CHEK2: variants seen among roughly 807,000 people sequenced by gnomAD.
The protein encoded by CHEK2 is checkpoint kinase 2.
In CHEK2, 71 loss-of-function variants were observed where a neutral mutation model predicts 69.1. The ratio of observed to expected loss-of-function variants is 1.03; its 90% CI spans 0.85 to 1.25. The LOEUF (loss-of-function observed/expected upper bound fraction) is 1.25, where lower values mean the gene tolerates loss of function less well. CHEK2 is among the 50% of genes most tolerant of loss of function. The pLI, the probability that CHEK2 is intolerant of heterozygous loss-of-function variation, is 0.00. For synonymous variants in CHEK2, 189 were observed against 226.9 expected (o/e 0.83, Z 1.50); for missense variants, 664 against 649.6 (o/e 1.02, Z -0.24).
Position 28,705,652 on chromosome 22 carries a change from G to A in CHEK2, c.847-2086C>T, listed in dbSNP as rs546493620. Among the ~76,000 whole-genome samples the A allele has an allele frequency of 3.3e-3, 505 of 152,124 alleles. 1 individual carries two copies. The highest frequency in any genetic ancestry group is 0.012 in the African/African-American group (478 of 41,524). Reference sequence around the variant, plus strand: ...GCTTTAAAAAAGCAAGGGGCCGGGCGCAGTGGCACATGCCTGTAATCCCAG... The same window carrying A: ...GCTTTAAAAAAGCAAGGGGCCGGGCACAGTGGCACATGCCTGTAATCCCAG... On this transcript the variant is annotated intron_variant, in intron 7 of 14. Transcript: ENST00000404276.
chr22:28,711,986 C>G lies in CHEK2; in HGVS notation c.715G>C (p.Glu239Gln), dbSNP rs121908702. The part of the protein sequence containing the change: ...GACGEVKLAF[E>Q]RKTCKKVAIK... Reference sequence around the variant, plus strand: ...GCTACTTTCTTACATGTTTTCCTCTCGAAAGCCAGCTTTACCTCTCCACAG... The same window carrying G: ...GCTACTTTCTTACATGTTTTCCTCTGGAAAGCCAGCTTTACCTCTCCACAG... The change falls in exon 6 of 15, where the codon GAG becomes CAG. Residue 239 changes from glutamate to glutamine, a missense_variant. Physicochemically the swap from Glu to Gln is conservative, Grantham distance 29. Transcript: ENST00000404276. 6.2e-7 allele frequency: 1 copy of G among 1,613,902 alleles called. No homozygotes were observed. The highest frequency in any genetic ancestry group is 8.5e-7 in the Non-Finnish European group (1 of 1,179,922).
intron 14 of CHEK2, among the ~76,000 whole-genome samples, chr22:28,688,338 GACA>G (rs1396775924): frequency 6.6e-6 from 1 of 152,246 alleles, no homozygotes; most frequent in Non-Finnish European, 1.5e-5. Flanking sequence ...TTTGCGGGAA[GACA>G]ACCTTTGTGC....
In CHEK2 at chr22:28,705,858, G is replaced by A. The variant is rs1001434446; in HGVS notation, c.847-2292C>T. ...GGAGAATCGCTTGTACCTGGGAATC[G>A]CTTGAACCCGGGAGGCAGAGTTTGC... On this transcript the variant is annotated intron_variant, in intron 7 of 14. Transcript: ENST00000404276. 2.6e-5 allele frequency among the ~76,000 whole-genome samples: 4 copies of A among 152,116 alleles called. 1 individual carries two copies. The highest frequency in any genetic ancestry group is 2.0e-4 in the Admixed American group (3 of 15,264).
intron 4 of CHEK2, among the ~76,000 whole-genome samples, chr22:28,719,973 G>A (rs1027816217): frequency 7.9e-5 from 12 of 151,864 alleles, no homozygotes; most frequent in Admixed American, 4.6e-4. Context: ...TTATATATCC[G>A]GTATTAAGTA....
intron 7 of CHEK2, among the ~76,000 whole-genome samples, chr22:28,705,610 G>A (rs912879400): frequency 6.6e-6 from 1 of 151,936 alleles, no homozygotes; most frequent in Admixed American, 6.6e-5. Flanking sequence ...TATTATTTAG[G>A]GATACACATA....
intron 8 of CHEK2, among the ~76,000 whole-genome samples, chr22:28,702,124 T>G (rs2052882212): frequency 3.2e-5 from 4 of 125,350 alleles, no homozygotes; most frequent in African/African-American, 1.2e-4. Context: ...GCTAATTTTG[T>G]GTGTGTGTGT....
At chr22:28,693,876 A>C (rs1381281036) in intron 13 of CHEK2, among the ~76,000 whole-genome samples, 156 bp downstream of exon 13, 5 of 152,048 alleles carry the variant, frequency 3.3e-5, no homozygotes, top group African/African-American at 9.7e-5. Flanking sequence ...AAAATAAAAC[A>C]GGTTGTAACC....
intron 2 of CHEK2, among the ~76,000 whole-genome samples, chr22:28,729,770 A>G (rs2054138356): frequency 6.6e-6 from 1 of 152,142 alleles, no homozygotes; most frequent in Non-Finnish European, 1.5e-5. Context: ...TTTATTATCT[A>G]TTTATTTTTA....
intron 2 of CHEK2, among the ~76,000 whole-genome samples, chr22:28,727,105 G>A (rs1379214291): frequency 3.3e-5 from 5 of 152,002 alleles, no homozygotes; most frequent in African/African-American, 9.7e-5. Flanking sequence ...GCGGTGGCGC[G>A]ATCTCGGCTC....
At chr22:28,709,143 C>G (rs2053292443) in intron 7 of CHEK2, among the ~76,000 whole-genome samples, 1 of 152,070 alleles carries the variant, frequency 6.6e-6, no homozygotes, top group Non-Finnish European at 1.5e-5. Context: ...AGCCCACCCT[C>G]TAATTTTTCT....
At chr22:28,705,543 T>C (rs1434764014) in intron 7 of CHEK2, among the ~76,000 whole-genome samples, 1 of 152,148 alleles carries the variant, frequency 6.6e-6, no homozygotes. Context: ...GCGTTTTGGA[T>C]AAGGGACACT....
chr22:28,740,006 T>G (rs919448206), intron 1 of CHEK2, among the ~76,000 whole-genome samples: 1 of 151,918 alleles, frequency 6.6e-6, no homozygotes, highest in Non-Finnish European at 1.5e-5. Context: ...ATGGAGACCA[T>G]CCTGGTCGAC....
chr22:28,714,270 G>T (rs979589929), intron 5 of CHEK2, among the ~76,000 whole-genome samples: 4 of 152,192 alleles, frequency 2.6e-5, no homozygotes, highest in African/African-American at 9.6e-5. Flanking sequence ...AGGTAGGTGT[G>T]AAGTGGTATC....
chr22:28,695,067 C>G (rs1434104904), intron 12 of CHEK2, 60 bp downstream of exon 12: 1 of 1,044,360 alleles, frequency 9.6e-7, no homozygotes, highest in Non-Finnish European at 1.5e-6. Flanking sequence ...GAAGAAACTC[C>G]CACCACAGCA....
intron 2 of CHEK2, chr22:28,730,421 T>G (rs911529204): frequency 1.5e-5 from 10 of 668,876 alleles, no homozygotes; most frequent in African/African-American, 7.1e-5. Context: ...ACATCATACT[T>G]AGACTGCAAA....
chr22:28,688,559 CT>C (rs1336525718), intron 14 of CHEK2, among the ~76,000 whole-genome samples: 2 of 152,116 alleles, frequency 1.3e-5, no homozygotes, highest in African/African-American at 4.8e-5. Context: ...ATCCCAGATA[CT>C]CGGGAGACTG....
At chr22:28,740,440 T>C (rs922920717) in intron 1 of CHEK2, among the ~76,000 whole-genome samples, 2 of 152,142 alleles carry the variant, frequency 1.3e-5, no homozygotes, top group Admixed American at 6.5e-5. Context: ...GCCAAAACAC[T>C]CTCTTTGTCC....
Position 28,717,777 on chromosome 22 carries a change from G to T in CHEK2, c.683+1618C>A, listed in dbSNP as rs17883308. ...ACCTGTAATCCCAGCTACCTGGGAGGCTGAGGCAGGAGAATCACTTGAACC... is the reference window on the plus strand; with the variant it reads ...ACCTGTAATCCCAGCTACCTGGGAGTCTGAGGCAGGAGAATCACTTGAACC... On this transcript the variant is annotated intron_variant, in intron 5 of 14. Transcript: ENST00000404276. Among the ~76,000 whole-genome samples, 518 of 152,194 alleles carry T rather than the reference G, an allele frequency of 3.4e-3. 1 individual carries two copies. Among genetic ancestry groups the T allele is most frequent in the African/African-American group, 0.012 (493 of 41,528 alleles).
At chr22:28,737,127 C>T (rs1338391895) in intron 1 of CHEK2, 1 of 314,568 alleles carries the variant, frequency 3.2e-6, no homozygotes, top group Admixed American at 4.1e-5. Context: ...TAGTCCCCAC[C>T]ATCAGAGGGG....
Sources: allele counts gnomAD v4.1 joint callset (sites outside exome capture counted in the v4.1 genomes callset), GRCh38; gene constraint gnomAD v4.1.1; transcripts MANE v1.5; gene names NCBI Gene and HGNC (gene_info 2026-07-23, HGNC 2026-07-21).